RANBP17: variants seen among roughly 807,000 people sequenced by gnomAD.
RANBP17 encodes the protein RAN binding protein 17.
Under a neutral mutation model 141.2 loss-of-function variants are expected in RANBP17, and 158 were observed. That is an observed-to-expected ratio of 1.12 (90% CI 0.98 to 1.28). The LOEUF is 1.28. Among genes scored for constraint, RANBP17 ranks in the 50% most tolerant of loss-of-function variants. RANBP17 has a pLI of 0.00. For synonymous variants in RANBP17, 430 were observed against 450.0 expected, an observed-to-expected ratio of 0.96 and a Z score of 0.56; for missense variants, 1,438 against 1,290.7, an observed-to-expected ratio of 1.11 and a Z score of -1.75.
intron 14 of RANBP17, among the ~76,000 whole-genome samples, chr5:171,119,245 AT>A (rs1482842911): frequency 1.3e-5 from 2 of 152,078 alleles, no homozygotes; most frequent in Non-Finnish European, 2.9e-5. Flanking sequence ...ATTATGGTGT[AT>A]TATCTTTTTC....
chr5:171,116,960 C>T (rs551782671), intron 14 of RANBP17, among the ~76,000 whole-genome samples: 2 of 152,322 alleles, frequency 1.3e-5, no homozygotes, highest in Non-Finnish European at 2.9e-5. Context: ...ATAATGCCTG[C>T]AGTTGCATCC....
chr5:171,032,224 C>T (rs1781590967), intron 14 of RANBP17, among the ~76,000 whole-genome samples: 1 of 152,088 alleles, frequency 6.6e-6, no homozygotes, highest in Admixed American at 6.5e-5. Flanking sequence ...AATGAATTCC[C>T]TTTTAGATGT....
chr5:171,159,263 G>C (rs1360112915), intron 14 of RANBP17, among the ~76,000 whole-genome samples: 1 of 152,186 alleles, frequency 6.6e-6, no homozygotes, highest in Non-Finnish European at 1.5e-5. Context: ...GGAATGATCA[G>C]TTTCAGAGTG....
intron 26 of RANBP17, among the ~76,000 whole-genome samples, chr5:171,294,841 A>G (rs1413670662): frequency 6.6e-6 from 1 of 152,250 alleles, no homozygotes; most frequent in African/African-American, 2.4e-5. Context: ...AGTGTTTAGA[A>G]AAAGCTTATG....
At chr5:171,237,853 A>C (rs1471311486) in intron 22 of RANBP17, among the ~76,000 whole-genome samples, 1 of 152,210 alleles carries the variant, frequency 6.6e-6, no homozygotes, top group Non-Finnish European at 1.5e-5. Flanking sequence ...GAGGGATATC[A>C]TACCTAGAGA....
intron 14 of RANBP17, among the ~76,000 whole-genome samples, chr5:171,133,352 A>G (rs1034998043): frequency 1.3e-5 from 2 of 152,198 alleles, no homozygotes; most frequent in African/African-American, 4.8e-5. Context: ...TTAATAGTTA[A>G]TTAGCTTTTT....
intron 5 of RANBP17, among the ~76,000 whole-genome samples, chr5:170,898,593 T>A (rs901276988): frequency 6.6e-6 from 1 of 152,220 alleles, no homozygotes; most frequent in Non-Finnish European, 1.5e-5. Flanking sequence ...AGTCATGAAT[T>A]CTTTGCCCAT....
chr5:171,155,094 A>AATATATATATATATATATAT (rs1554106866), intron 14 of RANBP17, among the ~76,000 whole-genome samples: 3 of 74,964 alleles, frequency 4.0e-5, no homozygotes, highest in African/African-American at 1.6e-4. Flanking sequence ...AAAAAAAAAA[A>AATATATATATATATATATAT]ATATATATAT....
At chr5:170,981,840 G>T (rs1046578996) in intron 14 of RANBP17, among the ~76,000 whole-genome samples, 3 of 152,126 alleles carry the variant, frequency 2.0e-5, no homozygotes, top group African/African-American at 7.2e-5. Flanking sequence ...AAAGCTAGTA[G>T]TTAGGTGATT....
chr5:171,021,729 C>T (rs931209858), intron 14 of RANBP17, among the ~76,000 whole-genome samples: 3 of 152,162 alleles, frequency 2.0e-5, no homozygotes, highest in African/African-American at 7.2e-5. Context: ...TCTTTTAGCT[C>T]AGCATAGTTT....
At chr5:171,267,799 CA>C (rs950012953) in intron 25 of RANBP17, among the ~76,000 whole-genome samples, 12 of 140,456 alleles carry the variant, frequency 8.5e-5, no homozygotes, top group Middle Eastern at 3.6e-3. Context: ...AGCTCCATCT[CA>C]AAAAAAAAAG....
intron 14 of RANBP17, among the ~76,000 whole-genome samples, chr5:171,100,920 T>C (rs1581636369): frequency 1.3e-5 from 2 of 152,372 alleles, no homozygotes; most frequent in East Asian, 1.9e-4. Context: ...TTGAGTGAGT[T>C]TCTTAATCCT....
At chr5:171,141,562 T>G (rs6891655) in intron 14 of RANBP17, among the ~76,000 whole-genome samples, 133,523 of 145,232 alleles carry the variant, frequency 0.92, 61,391 homozygotes, top group East Asian at 1. Context: ...AGCCGAGATC[T>G]CACCACTACA....
chr5:171,175,843 G>A (rs1760441134), intron 16 of RANBP17, among the ~76,000 whole-genome samples: 1 of 151,250 alleles, frequency 6.6e-6, no homozygotes, highest in African/African-American at 2.4e-5. Flanking sequence ...AACCGCAACA[G>A]TTCTCAAGAT....
chr5:171,035,540 T>G (rs1251457421), intron 14 of RANBP17, among the ~76,000 whole-genome samples: 2 of 151,026 alleles, frequency 1.3e-5, no homozygotes, highest in East Asian at 3.9e-4. Flanking sequence ...CTAGAGTTTT[T>G]TTTTGTTTTG....
chr5:171,138,829 C>T lies in RANBP17; in HGVS notation c.1711-31301C>T, dbSNP rs371094091. 1.4e-3 allele frequency among the ~76,000 whole-genome samples: 206 copies of T among 152,266 alleles called. 9 individuals carry two copies. In the South Asian group the frequency reaches 0.039, roughly 29 times the overall value. On this transcript the variant is annotated intron_variant, in intron 14 of 27. Transcript: ENST00000523189. ...GTTCACACTAGTAATCCCAACACTT[C>T]GGAAGGCTGAGGCACTCAGGAGGAT...
intron 14 of RANBP17, among the ~76,000 whole-genome samples, chr5:171,146,347 G>A (rs1027249570): frequency 3.3e-5 from 5 of 152,200 alleles, no homozygotes; most frequent in Non-Finnish European, 7.3e-5. Context: ...TGACTTCTAC[G>A]TGCCAGTATT....
chr5:171,018,954 T>G (rs1376088230), intron 14 of RANBP17, among the ~76,000 whole-genome samples: 1 of 152,164 alleles, frequency 6.6e-6, no homozygotes, highest in East Asian at 1.9e-4. Flanking sequence ...TTATTGAGAG[T>G]TTTTAACATG....
chr5:170,933,312 A>G (rs1188262623), intron 12 of RANBP17, among the ~76,000 whole-genome samples: 3 of 151,136 alleles, frequency 2.0e-5, no homozygotes, highest in Admixed American at 6.6e-5. Context: ...TTTCTTCTTT[A>G]TTAGTCTTAC....
Sources: gnomAD v4.1 joint callset for allele counts (sites outside exome capture counted in the v4.1 genomes callset) on GRCh38, gnomAD v4.1.1 for gene constraint, MANE v1.5 for transcripts, NCBI Gene and HGNC (gene_info 2026-07-23, HGNC 2026-07-21) for gene names.